LRFN2: variants seen among roughly 807,000 people sequenced by gnomAD.
LRFN2 encodes leucine rich repeat and fibronectin type III domain containing 2.
LRFN2 carries 18 observed loss-of-function variants against 37.3 expected under a neutral mutation model. The ratio of observed to expected loss-of-function variants is 0.48; its 90% CI spans 0.33 to 0.72. The LOEUF (loss-of-function observed/expected upper bound fraction) is 0.72, where lower values mean the gene tolerates loss of function less well. Ranked by LOEUF, LRFN2 falls within the 30% of genes least tolerant of loss-of-function variation. The pLI, the probability that LRFN2 is intolerant of heterozygous loss-of-function variation, is 0.02. For missense variants in LRFN2, 1,006 were observed against 1,060.7 expected (o/e 0.95, Z 0.72); for synonymous variants, 556 against 466.6 (o/e 1.19, Z -2.47).
In LRFN2 at chr6:40,393,683, C is replaced by A. The variant is rs115216312; in HGVS notation, c.1401-771G>T. On this transcript the variant is annotated intron_variant, in intron 2 of 2. Transcript: ENST00000338305. ...GGGTGAGAGTCAGGTCAGCCCTGAC[C>A]CTGTGCCAGCCCACCCCGAGGCTTG... Among the ~76,000 whole-genome samples, 1,214 of 152,256 alleles carry A rather than the reference C, an allele frequency of 8.0e-3. 16 individuals carry two copies. Among genetic ancestry groups the A allele is most frequent in the African/African-American group, 0.028 (1,161 of 41,546 alleles).
At chr6:40,530,966 A>G (rs1483665321) in intron 1 of LRFN2, among the ~76,000 whole-genome samples, 1 of 152,174 alleles carries the variant, frequency 6.6e-6, no homozygotes, top group Non-Finnish European at 1.5e-5. Context: ...GGAAGGGAGA[A>G]AGGGAACATT....
intron 1 of LRFN2, among the ~76,000 whole-genome samples, chr6:40,548,184 A>C (rs1766698495): frequency 6.6e-6 from 1 of 152,168 alleles, no homozygotes; most frequent in Non-Finnish European, 1.5e-5. Context: ...TCACACCTAT[A>C]ATCCCAGCAC....
At chr6:40,500,626 T>G (rs2113875930) in intron 1 of LRFN2, among the ~76,000 whole-genome samples, 1 of 152,284 alleles carries the variant, frequency 6.6e-6, no homozygotes, top group African/African-American at 2.4e-5. Context: ...TAACGAAAGG[T>G]GGAAAGAAAC....
chr6:40,586,481 G>T (rs1319500929), intron 1 of LRFN2, among the ~76,000 whole-genome samples: 4 of 152,048 alleles, frequency 2.6e-5, no homozygotes, highest in Non-Finnish European at 5.9e-5. Context: ...TTCCGCACTT[G>T]GCTTTACCCC....
chr6:40,436,446 T>C (rs1026088246), intron 1 of LRFN2, among the ~76,000 whole-genome samples: 1 of 152,192 alleles, frequency 6.6e-6, no homozygotes, highest in African/African-American at 2.4e-5. Flanking sequence ...TTTACTATCT[T>C]GTCCTTTACA....
chr6:40,558,562 TG>T (rs1561907479), intron 1 of LRFN2, among the ~76,000 whole-genome samples: 13 of 151,634 alleles, frequency 8.6e-5, no homozygotes, highest in Admixed American at 1.3e-4. Context: ...GAGAGAAGGC[TG>T]GAGGAGATGT....
chr6:40,582,812 C>T (rs1001677077), intron 1 of LRFN2, among the ~76,000 whole-genome samples: 9 of 151,918 alleles, frequency 5.9e-5, no homozygotes, highest in African/African-American at 1.2e-4. Context: ...ACAAGCTGAG[C>T]GGCCCAGAAC....
At chr6:40,520,981 G>A in intron 1 of LRFN2, among the ~76,000 whole-genome samples, 1 of 152,190 alleles carries the variant, frequency 6.6e-6, no homozygotes, top group East Asian at 1.9e-4. Flanking sequence ...AAACAGGCCA[G>A]GCGGGAGAAG....
At chr6:40,559,235 T>C (rs1327632178) in intron 1 of LRFN2, among the ~76,000 whole-genome samples, 2 of 152,104 alleles carry the variant, frequency 1.3e-5, no homozygotes, top group Non-Finnish European at 2.9e-5. Flanking sequence ...ATGCTCCTCC[T>C]GGGAAGAGCC....
At chr6:40,414,645 G>A (rs1226979502) in intron 2 of LRFN2, among the ~76,000 whole-genome samples, 1 of 152,156 alleles carries the variant, frequency 6.6e-6, no homozygotes, top group Non-Finnish European at 1.5e-5. Context: ...GCAATGACTT[G>A]AAACATTAAA....
chr6:40,544,155 G>A (rs1359018957), intron 1 of LRFN2, among the ~76,000 whole-genome samples: 2 of 152,232 alleles, frequency 1.3e-5, no homozygotes, highest in East Asian at 1.9e-4. Flanking sequence ...GAAGGGGAGA[G>A]GAAAGTGTGT....
chr6:40,540,455 C>A (rs1766532583), intron 1 of LRFN2, among the ~76,000 whole-genome samples: 2 of 152,090 alleles, frequency 1.3e-5, no homozygotes, highest in Admixed American at 6.5e-5. Context: ...TCTGCCCACT[C>A]CCTCCCCACC....
intron 2 of LRFN2, among the ~76,000 whole-genome samples, chr6:40,405,997 T>C (rs1464842150): frequency 6.6e-6 from 1 of 152,094 alleles, no homozygotes. Context: ...AAGTGTTTGG[T>C]GGAGGCAACA....
At chr6:40,457,356 GGA>G (rs1307749452) in intron 1 of LRFN2, among the ~76,000 whole-genome samples, 7 of 151,634 alleles carry the variant, frequency 4.6e-5, no homozygotes, top group Admixed American at 3.3e-4. Context: ...GGAGAAAAAG[GGA>G]TTAACCTTTT....
At chr6:40,518,837 AGAGAAGT>A (rs1482955034) in intron 1 of LRFN2, among the ~76,000 whole-genome samples, 1 of 152,194 alleles carries the variant, frequency 6.6e-6, no homozygotes, top group African/African-American at 2.4e-5. Context: ...ATGTTACCCA[AGAGAAGT>A]GATGCTTGAA....
Position 40,582,315 on chromosome 6 carries a change from G to T in LRFN2, c.-19+4626C>A, listed in dbSNP as rs541623008. Among the ~76,000 whole-genome samples the T allele has an allele frequency of 4.5e-4, 68 of 151,852 alleles. 4 individuals are homozygous for T. The South Asian group carries it at 0.013, about 30-fold the overall frequency. Reference sequence around the variant, plus strand: ...TGGTGGGTGAATTAATATAGGACATGCCAATAATAAATGCAGTGAAATCTA... The same window carrying T: ...TGGTGGGTGAATTAATATAGGACATTCCAATAATAAATGCAGTGAAATCTA... On this transcript the variant is annotated intron_variant, in intron 1 of 2. Transcript: ENST00000338305.
intron 1 of LRFN2, among the ~76,000 whole-genome samples, chr6:40,437,797 T>G (rs1212281134): frequency 6.6e-6 from 1 of 152,166 alleles, no homozygotes; most frequent in Non-Finnish European, 1.5e-5. Context: ...ACAAATGCTG[T>G]AAAGAGGAAC....
At chr6:40,462,968 G>T (rs1764378468) in intron 1 of LRFN2, among the ~76,000 whole-genome samples, 1 of 152,204 alleles carries the variant, frequency 6.6e-6, no homozygotes, top group African/African-American at 2.4e-5. Context: ...TCTGGCCAAT[G>T]AAGTGTAAGT....
intron 1 of LRFN2, among the ~76,000 whole-genome samples, chr6:40,468,553 A>C (rs918238214): frequency 6.6e-6 from 1 of 152,148 alleles, no homozygotes. Flanking sequence ...TTACTAAAGA[A>C]AACTGTAATA....
Sources: allele counts gnomAD v4.1 joint callset (sites outside exome capture counted in the v4.1 genomes callset), GRCh38; gene constraint gnomAD v4.1.1; transcripts MANE v1.5; gene names NCBI Gene and HGNC (gene_info 2026-07-23, HGNC 2026-07-21).